GABRB1: variants seen among roughly 807,000 people sequenced by gnomAD.
The protein encoded by GABRB1 is gamma-aminobutyric acid receptor subunit beta-1.
Under a neutral mutation model 51.6 loss-of-function variants are expected in GABRB1, and 17 were observed. The ratio of observed to expected loss-of-function variants is 0.33; its 90% CI spans 0.23 to 0.49. GABRB1 has a LOEUF of 0.49. Ranked by LOEUF, GABRB1 falls within the 20% of genes least tolerant of loss-of-function variation. GABRB1 has a pLI of 0.99. For synonymous variants in GABRB1, 247 were observed against 218.9 expected, an observed-to-expected ratio of 1.13 and a Z score of -1.14; for missense variants, 410 against 600.6, an observed-to-expected ratio of 0.68 and a Z score of 3.32.
intron 4 of GABRB1, among the ~76,000 whole-genome samples, chr4:47,240,085 T>C (rs1269859515): frequency 6.6e-6 from 1 of 152,194 alleles, no homozygotes; most frequent in African/African-American, 2.4e-5. Flanking sequence ...TTGCTGGCCT[T>C]GTTAGGAGTT....
chr4:47,313,137 A>G (rs1724766754), intron 4 of GABRB1, among the ~76,000 whole-genome samples: 1 of 152,170 alleles, frequency 6.6e-6, no homozygotes, highest in South Asian at 2.1e-4. Context: ...ATGTCAATAA[A>G]TTGGGATTAT....
intron 1 of GABRB1, among the ~76,000 whole-genome samples, chr4:46,998,013 A>G (rs144663841): frequency 7.9e-5 from 12 of 152,290 alleles, no homozygotes; most frequent in Admixed American, 3.3e-4. Flanking sequence ...CGTTTCCACA[A>G]TAGCTGTACC....
At chr4:47,052,418 A>G (rs58651337) in intron 3 of GABRB1, among the ~76,000 whole-genome samples, 76,987 of 152,006 alleles carry the variant, frequency 0.51, 19,670 homozygotes, top group African/African-American at 0.53. Context: ...ATACCCACAC[A>G]AACAAACACA....
Position 47,007,828 on chromosome 4 carries a change from G to A in GABRB1, c.-20+13902G>A, listed in dbSNP as rs1047902668. Among the ~76,000 whole-genome samples the A allele has an allele frequency of 3.0e-4, 43 of 141,916 alleles. No homozygotes were observed. The Admixed American group carries it at 3.2e-3, about 11-fold the overall frequency. The allele number at this position is 141,916 out of a possible 152,430, so 93.1% of individuals were successfully genotyped here. A position where few individuals can be genotyped will look rare whatever the true frequency, so the allele number is the denominator to read the frequency against. Reference sequence around the variant, plus strand: ...TACTTAGGACATTTGTATTCTAACAGCATTAAGTACCATTAAAGGACGTAT... The same window carrying A: ...TACTTAGGACATTTGTATTCTAACAACATTAAGTACCATTAAAGGACGTAT... On this transcript the variant is annotated intron_variant, in intron 1 of 3. Transcript: ENST00000513567.
intron 5 of GABRB1, among the ~76,000 whole-genome samples, chr4:47,393,566 A>G (rs6824970): frequency 0.99 from 150,989 of 152,326 alleles, 74,836 homozygotes; most frequent in East Asian, 1. Context: ...TGTGGTGTTC[A>G]TATGGATTCA....
intron 4 of GABRB1, among the ~76,000 whole-genome samples, chr4:47,311,460 A>C (rs1441592234): frequency 7.1e-6 from 1 of 141,816 alleles, no homozygotes; most frequent in Non-Finnish European, 1.5e-5. Flanking sequence ...GGAATATCTT[A>C]GTGGGCCCAA....
At chr4:47,377,445 T>G (rs556812242) in intron 5 of GABRB1, among the ~76,000 whole-genome samples, 1 of 152,022 alleles carries the variant, frequency 6.6e-6, no homozygotes, top group African/African-American at 2.4e-5. Flanking sequence ...GTGGTCTCGG[T>G]GGCTCAGGAG....
At chr4:47,308,843 T>A (rs1465232906) in intron 4 of GABRB1, among the ~76,000 whole-genome samples, 1 of 152,160 alleles carries the variant, frequency 6.6e-6, no homozygotes, top group Non-Finnish European at 1.5e-5. Context: ...CGTTTCTGAA[T>A]GCTTAGGGCT....
At chr4:47,172,550 C>T (rs989618727) in intron 4 of GABRB1, among the ~76,000 whole-genome samples, 1 of 151,064 alleles carries the variant, frequency 6.6e-6, no homozygotes, top group African/African-American at 2.4e-5. Flanking sequence ...CCAGCACATG[C>T]AGTTCTACTA....
chr4:47,235,176 A>C (rs1721282413), intron 4 of GABRB1, among the ~76,000 whole-genome samples: 1 of 152,110 alleles, frequency 6.6e-6, no homozygotes, highest in African/African-American at 2.4e-5. Context: ...TCCACCCTTC[A>C]GAGTCATTAA....
intron 5 of GABRB1, among the ~76,000 whole-genome samples, chr4:47,373,792 A>C (rs950888808): frequency 6.6e-6 from 1 of 152,214 alleles, no homozygotes; most frequent in Admixed American, 6.5e-5. Flanking sequence ...TAATATAGAC[A>C]CAGATACATA....
intron 4 of GABRB1, among the ~76,000 whole-genome samples, chr4:47,191,074 C>A (rs989090115): frequency 6.6e-6 from 1 of 152,030 alleles, no homozygotes; most frequent in African/African-American, 2.4e-5. Context: ...CTTTCTCTTG[C>A]CTGGAAAGAA....
At chr4:47,176,419 T>G (rs1718705056) in intron 4 of GABRB1, among the ~76,000 whole-genome samples, 1 of 152,156 alleles carries the variant, frequency 6.6e-6, no homozygotes, top group Non-Finnish European at 1.5e-5. Context: ...GTAGTCAGTA[T>G]GTTTATAAGG....
At chr4:47,392,128 T>C (rs1728020093) in intron 5 of GABRB1, among the ~76,000 whole-genome samples, 1 of 151,204 alleles carries the variant, frequency 6.6e-6, no homozygotes, top group Non-Finnish European at 1.5e-5. Context: ...AGAAGAGTGC[T>C]AAACGGGCAG....
chr4:47,177,972 A>G (rs2109765069), intron 4 of GABRB1, among the ~76,000 whole-genome samples: 1 of 152,146 alleles, frequency 6.6e-6, no homozygotes, highest in East Asian at 1.9e-4. Context: ...AGGCTGATTA[A>G]ATGGATTAGG....
chr4:47,338,035 C>T (rs1397913407), intron 5 of GABRB1, among the ~76,000 whole-genome samples: 1 of 152,118 alleles, frequency 6.6e-6, no homozygotes, highest in Non-Finnish European at 1.5e-5. Flanking sequence ...AGTTTTCTCA[C>T]ATTTGTCATC....
intron 7 of GABRB1, among the ~76,000 whole-genome samples, chr4:47,404,963 T>C (rs16860193): frequency 0.018 from 2,694 of 152,320 alleles, 95 homozygotes; most frequent in African/African-American, 0.062. Context: ...TTGTTTAAGC[T>C]ATTCTTTGGA....
intron 5 of GABRB1, among the ~76,000 whole-genome samples, chr4:47,364,420 C>T (rs917882821): frequency 6.6e-6 from 1 of 150,594 alleles, no homozygotes; most frequent in Non-Finnish European, 1.5e-5. Context: ...GGATGGAGAA[C>T]AAGAAGAGGA....
rs149153507 is a variant in GABRB1, at chr4:47,415,836, T to C, written c.1080+8910T>C. 3.0e-4 allele frequency among the ~76,000 whole-genome samples: 45 copies of C among 152,318 alleles called. No individual in the cohort carries two copies. In the East Asian group the frequency reaches 6.6e-3, roughly 22 times the overall value. On this transcript the variant is annotated intron_variant, in intron 8 of 8. Transcript: ENST00000295454. ...CCCAATTCATTCAGATACACCTCAA[T>C]GTCTGAGAACCACAACCCTGGAGAT...
Sources: allele counts gnomAD v4.1 joint callset (sites outside exome capture counted in the v4.1 genomes callset), GRCh38; gene constraint gnomAD v4.1.1; transcripts MANE v1.5; gene names NCBI Gene and HGNC (gene_info 2026-07-23, HGNC 2026-07-21).